The following HIRA variants were observed in gnomAD, a reference collection of about 807,000 sequenced individuals.
HIRA encodes the protein protein HIRA.
HIRA carries 13 observed loss-of-function variants against 126.6 expected under a neutral mutation model. The observed-to-expected ratio is 0.10, with a 90% CI of 0.07 to 0.16. The LOEUF (loss-of-function observed/expected upper bound fraction) is 0.16, where lower values mean the gene tolerates loss of function less well. HIRA is among the 10% of genes least tolerant of loss of function. The pLI, the probability that HIRA is intolerant of heterozygous loss-of-function variation, is 1.00. For synonymous variants in HIRA, 511 were observed against 520.0 expected, an observed-to-expected ratio of 0.98 and a Z score of 0.24; for missense variants, 834 against 1,314.4, an observed-to-expected ratio of 0.63 and a Z score of 5.65.
chr22:19,384,281 G>A (rs1000008427), intron 12 of HIRA, among the ~76,000 whole-genome samples: 3 of 126,334 alleles, frequency 2.4e-5, no homozygotes, highest in African/African-American at 6.0e-5. Flanking sequence ...CCAAGATTGC[G>A]CCACTGCACT....
chr22:19,349,292 G>A (rs2088728263), intron 24 of HIRA, among the ~76,000 whole-genome samples: 1 of 151,646 alleles, frequency 6.6e-6, no homozygotes, highest in African/African-American at 2.4e-5. Flanking sequence ...TAGTAGAGAC[G>A]GGATTTCAGC....
chr22:19,382,223 C>T (rs1234720233), intron 13 of HIRA, among the ~76,000 whole-genome samples: 1 of 152,074 alleles, frequency 6.6e-6, no homozygotes, highest in Admixed American at 6.6e-5. Context: ...AATATGCATC[C>T]TATGTCAGAA....
intron 15 of HIRA, among the ~76,000 whole-genome samples, chr22:19,363,896 C>CT (rs1213605199): frequency 2.0e-5 from 3 of 152,146 alleles, no homozygotes; most frequent in Non-Finnish European, 4.4e-5. Context: ...GAGCGAGACT[C>CT]TGTCTCGAAA....
At chr22:19,354,971 C>T (rs2088796843) in intron 21 of HIRA, among the ~76,000 whole-genome samples, 1 of 151,922 alleles carries the variant, frequency 6.6e-6, no homozygotes, top group African/African-American at 2.4e-5. Flanking sequence ...CAGGGTCTCA[C>T]TATGTTGCCC....
chr22:19,362,228 G>A (rs899492642), intron 15 of HIRA, among the ~76,000 whole-genome samples: 1 of 152,090 alleles, frequency 6.6e-6, no homozygotes, highest in African/African-American at 2.4e-5. Context: ...GAAGAGTGAT[G>A]TTAGAGAAAA....
chr22:19,422,422 A>C (rs1293525597), intron 1 of HIRA, among the ~76,000 whole-genome samples: 1 of 151,776 alleles, frequency 6.6e-6, no homozygotes, highest in Non-Finnish European at 1.5e-5. Context: ...CTGGTCCCCC[A>C]CAACCAATCT....
At position 19,378,077 on chromosome 22, in the gene HIRA, G is replaced by A; in HGVS notation, c.1416-11C>T. 3 of 1,532,604 alleles carry A rather than the reference G, an allele frequency of 2.0e-6. No homozygotes were observed. Among genetic ancestry groups the A allele is most frequent in the Non-Finnish European group, 2.6e-6 (3 of 1,136,600 alleles). The allele number at this position is 1,532,604 out of a possible 1,614,324, so 94.9% of individuals were successfully genotyped here. A position where few individuals can be genotyped will look rare whatever the true frequency, so the allele number is the denominator to read the frequency against. On this transcript the variant is annotated splice_polypyrimidine_tract_variant and intron_variant, in intron 13 of 24. Coordinates refer to ENST00000263208, the MANE Select transcript of HIRA (RefSeq NM_003325.4). ...GCCGTGGAGAAGTCCCTGTCATCAA[G>A]TAAGAACAAAAGTCAGCCTTGAAAG... is the stretch of plus-strand genomic sequence containing the variant.
At chr22:19,350,344 T>C (rs1338987141) in intron 24 of HIRA, among the ~76,000 whole-genome samples, 3 of 152,136 alleles carry the variant, frequency 2.0e-5, no homozygotes, top group African/African-American at 7.2e-5. Context: ...CCATCAGTAA[T>C]TGCTCAATGA....
At position 19,353,497 on chromosome 22, in the gene HIRA, G is replaced by T; in HGVS notation, c.2707C>A (p.Leu903Ile). 6.2e-7 allele frequency: 1 copy of T among 1,610,826 alleles called. No individual in the cohort carries two copies. Among genetic ancestry groups the T allele is most frequent in the Non-Finnish European group, 8.5e-7 (1 of 1,179,078 alleles). Residue 903 changes from leucine to isoleucine, a missense_variant, in exon 23 of 25, where the codon CTC (leucine) becomes ATC (isoleucine). Physicochemically the swap from Leu to Ile is conservative, Grantham distance 5. Around this residue, in one of 5 missense-constraint regions of HIRA, gnomAD observed 468 missense variants for 574.2 expected, o/e 0.82. Coordinates refer to ENST00000263208, the MANE Select transcript of HIRA (RefSeq NM_003325.4). Reference protein sequence around the residue: ...TSNSGRQAARLFSVPHVVQQE... With the variant: ...TSNSGRQAARIFSVPHVVQQE... ...TGCACCACATGAGGCACGGAGAAGA[G>T]CCGGGCAGCCTGCCTTCCCGAGCTG...
At chr22:19,349,532 G>A (rs1556010178) in intron 24 of HIRA, among the ~76,000 whole-genome samples, 1 of 152,192 alleles carries the variant, frequency 6.6e-6, no homozygotes, top group Non-Finnish European at 1.5e-5. Flanking sequence ...CAGAATGAAT[G>A]AGCTTTCTGA....
intron 1 of HIRA, among the ~76,000 whole-genome samples, chr22:19,422,525 G>A (rs1213337986): frequency 1.3e-5 from 2 of 152,094 alleles, no homozygotes; most frequent in African/African-American, 2.4e-5. Flanking sequence ...AGGCCTTCTA[G>A]TAGCCTACTA....
intron 15 of HIRA, among the ~76,000 whole-genome samples, chr22:19,364,156 T>A: frequency 6.7e-6 from 1 of 150,024 alleles, no homozygotes. Context: ...ACAAATAAAG[T>A]CTATTAAAAA....
chr22:19,350,121 T>C (rs1454681265), intron 24 of HIRA, among the ~76,000 whole-genome samples: 8 of 152,046 alleles, frequency 5.3e-5, no homozygotes, highest in African/African-American at 1.9e-4. Flanking sequence ...CCTGCCAGTA[T>C]TCTATATCTC....
At chr22:19,342,328 AG>A (rs1368645918) in intron 24 of HIRA, among the ~76,000 whole-genome samples, 1 of 152,206 alleles carries the variant, frequency 6.6e-6, no homozygotes, top group Non-Finnish European at 1.5e-5. Context: ...GGTGGTGAAA[AG>A]GGAACACTTT....
intron 24 of HIRA, among the ~76,000 whole-genome samples, chr22:19,335,497 G>A (rs1463906154): frequency 6.6e-6 from 1 of 152,106 alleles, no homozygotes; most frequent in Non-Finnish European, 1.5e-5. Context: ...TGTCCACCTC[G>A]GCCTCCCAAA....
In HIRA at chr22:19,358,873, G is replaced by C. The variant is rs567981432; in HGVS notation, c.2234+463C>G. Among the ~76,000 whole-genome samples, 33 of 152,272 alleles carry C rather than the reference G, an allele frequency of 2.2e-4. 1 individual carries two copies. The highest frequency in any genetic ancestry group is 7.7e-4 in the African/African-American group (32 of 41,548). On this transcript the variant is annotated intron_variant, in intron 18 of 24. Transcript: ENST00000263208. ...GGAAGATACTGGGTGACTAATCACTGAATCAAGGTCCCCCTCACAGTGCAG... is the reference window on the plus strand; with the variant it reads ...GGAAGATACTGGGTGACTAATCACTCAATCAAGGTCCCCCTCACAGTGCAG...
chr22:19,353,479 CAT>C lies in HIRA; in HGVS notation c.2723_2724del (p.His908ArgfsTer44). 1 of 1,612,480 alleles carries C rather than the reference CAT, an allele frequency of 6.2e-7. No individual in the cohort carries two copies. Among genetic ancestry groups the C allele is most frequent in the Non-Finnish European group, 8.5e-7 (1 of 1,179,718 alleles). ...GCCAGGGTGGTCTCTTGCTGCACCA[CAT>C]GAGGCACGGAGAAGAGCCGGGCAGC... ...RQAARLFSVPHVVQQETTLAY... is the reference protein window; with the variant it reads ...RQAARLFSVPXVVQQETTLAY... On this transcript the variant is annotated frameshift_variant, in exon 23 of 25. Coordinates refer to ENST00000263208, the MANE Select transcript of HIRA (RefSeq NM_003325.4). LOFTEE classifies it high-confidence loss of function.
At chr22:19,364,438 T>G (rs1034567856) in intron 15 of HIRA, among the ~76,000 whole-genome samples, 1 of 152,210 alleles carries the variant, frequency 6.6e-6, no homozygotes, top group Admixed American at 6.5e-5. Flanking sequence ...GTGGCAACCC[T>G]GCATCAAGCA....
At chr22:19,420,495 A>G (rs934402639) in intron 1 of HIRA, among the ~76,000 whole-genome samples, 5 of 151,698 alleles carry the variant, frequency 3.3e-5, no homozygotes, top group Non-Finnish European at 7.4e-5. Context: ...AACCAAAACA[A>G]AAAACAAACA....
Sources: allele counts gnomAD v4.1 joint callset (sites outside exome capture counted in the v4.1 genomes callset), GRCh38; gene constraint gnomAD v4.1.1; regional missense constraint gnomAD v4.1.1; transcripts MANE v1.5; gene names NCBI Gene and HGNC (gene_info 2026-07-23, HGNC 2026-07-21).